Variants in EYS observed in about 807,000 individuals in gnomAD.
EYS encodes EGF-like photoreceptor maintenance factor.
A neutral mutation model predicts 282.1 loss-of-function variants in EYS; 250 were observed. That is an observed-to-expected ratio of 0.89 (90% confidence interval 0.80 to 0.98). EYS has a LOEUF of 0.98. Ranked by LOEUF, EYS falls within the 50% of genes least tolerant of loss-of-function variation. The probability of loss-of-function intolerance (pLI) is 0.00; values close to 1 mark genes in which losing one functional copy is unlikely to be tolerated. For missense variants in EYS, 4,016 were observed against 3,709.0 expected, an observed-to-expected ratio of 1.08 and a Z score of -2.15; for synonymous variants, 1,355 against 1,282.9, an observed-to-expected ratio of 1.06 and a Z score of -1.20.
chr6:65,478,903 A>T (rs1193655842), intron 5 of EYS, among the ~76,000 whole-genome samples: 1 of 152,204 alleles, frequency 6.6e-6, no homozygotes, highest in Non-Finnish European at 1.5e-5. Context: ...GTATAAAAAC[A>T]CACAGAAATC....
At chr6:65,003,208 C>G (rs1045047809) in intron 13 of EYS, among the ~76,000 whole-genome samples, 1 of 147,430 alleles carries the variant, frequency 6.8e-6, no homozygotes. Context: ...AGGAACATCC[C>G]TGAGAAAGAG....
rs1191786069 is a variant in EYS at position 65,369,460 on chromosome 6, A to C, written c.1299+14926T>G. 5.3e-5 allele frequency among the ~76,000 whole-genome samples: 8 copies of C among 150,862 alleles called. 1 individual carries two copies. The Admixed American group carries it at 5.5e-4, about 10-fold the overall frequency. On this transcript the variant is annotated intron_variant, in intron 8 of 42. Transcript: ENST00000503581. ...ACTGTCAGACGCAATGCCCACATGA[A>C]CCAGAAAAAGATTTCCCAATCTGGA... is the stretch of plus-strand genomic sequence containing the variant.
At chr6:63,887,508 G>A (rs899669347) in intron 35 of EYS, among the ~76,000 whole-genome samples, 1 of 152,060 alleles carries the variant, frequency 6.6e-6, no homozygotes, top group Non-Finnish European at 1.5e-5. Flanking sequence ...CACAGAGGGT[G>A]GGCAGAATCA....
intron 8 of EYS, among the ~76,000 whole-genome samples, chr6:65,360,513 A>C (rs1764662969): frequency 6.6e-6 from 1 of 152,096 alleles, no homozygotes; most frequent in Non-Finnish European, 1.5e-5. Context: ...GGGAAATCTG[A>C]TTTTAACAGA....
intron 26 of EYS, among the ~76,000 whole-genome samples, 158 bp from the exon 27 acceptor site, chr6:64,439,510 C>A (rs987130211): frequency 6.6e-6 from 1 of 151,854 alleles, no homozygotes; most frequent in African/African-American, 2.4e-5. Flanking sequence ...ATAGTCATGG[C>A]AGTTTTCTCA....
intron 29 of EYS, among the ~76,000 whole-genome samples, chr6:64,343,928 C>T (rs1771247765): frequency 1.3e-5 from 2 of 152,090 alleles, no homozygotes; most frequent in Admixed American, 6.6e-5. Flanking sequence ...CTATAAACAC[C>T]TCTACTCAAA....
chr6:64,635,096 G>C (rs1468049204), intron 22 of EYS, among the ~76,000 whole-genome samples: 1 of 152,028 alleles, frequency 6.6e-6, no homozygotes, highest in Non-Finnish European at 1.5e-5. Context: ...TTGTGAATGG[G>C]AGTTCACTCA....
intron 2 of EYS, among the ~76,000 whole-genome samples, chr6:65,542,361 C>T (rs1247084557): frequency 6.6e-6 from 1 of 151,950 alleles, no homozygotes; most frequent in Non-Finnish European, 1.5e-5. Flanking sequence ...TTTGAGTGAA[C>T]ATTGTATAAC....
chr6:64,772,672 C>A (rs2149987203), intron 22 of EYS, among the ~76,000 whole-genome samples: 1 of 151,942 alleles, frequency 6.6e-6, no homozygotes, highest in South Asian at 2.1e-4. Context: ...ACTACCCTTC[C>A]TAGTCTTTGG....
intron 12 of EYS, among the ~76,000 whole-genome samples, chr6:65,098,071 A>G (rs12209846): frequency 0.013 from 1,925 of 150,738 alleles, 21 homozygotes; most frequent in Non-Finnish European, 0.02. Flanking sequence ...TCCTACCAAT[A>G]TGTAGGGACA....
At chr6:64,901,249 G>T (rs575765676) in intron 18 of EYS, among the ~76,000 whole-genome samples, 1 of 147,040 alleles carries the variant, frequency 6.8e-6, no homozygotes, top group African/African-American at 2.6e-5. Flanking sequence ...AGGGGTTGGG[G>T]GGCAAGGGGA....
intron 12 of EYS, among the ~76,000 whole-genome samples, chr6:65,064,320 T>C (rs1457959836): frequency 1.4e-5 from 2 of 143,436 alleles, no homozygotes; most frequent in East Asian, 4.0e-4. Flanking sequence ...TTTTGTGGAT[T>C]GTCCTAAGTC....
chr6:65,067,509 G>T (rs529628674), intron 12 of EYS, among the ~76,000 whole-genome samples: 1 of 152,132 alleles, frequency 6.6e-6, no homozygotes, highest in South Asian at 2.1e-4. Flanking sequence ...ATAAAATATT[G>T]TCAAAGCCAG....
intron 41 of EYS, among the ~76,000 whole-genome samples, chr6:63,730,502 ACCC>A (rs1768755461): frequency 6.6e-6 from 1 of 152,162 alleles, no homozygotes; most frequent in South Asian, 2.1e-4. Flanking sequence ...GCACTGCATA[ACCC>A]CAAGGGGAAG....
intron 19 of EYS, among the ~76,000 whole-genome samples, chr6:64,885,766 T>A (rs978158393): frequency 6.6e-6 from 1 of 151,804 alleles, no homozygotes; most frequent in African/African-American, 2.4e-5. Context: ...ACCTTCATAT[T>A]TCTTTTTAAG....
intron 33 of EYS, among the ~76,000 whole-genome samples, chr6:64,053,949 A>G (rs1255096814): frequency 1.3e-5 from 2 of 152,176 alleles, no homozygotes; most frequent in Non-Finnish European, 2.9e-5. Context: ...TGGCCTTTAC[A>G]TACTTAACTA....
In EYS at chr6:64,820,363, C is replaced by G. The variant is rs116091181; in HGVS notation, c.3243+1282G>C. Among the ~76,000 whole-genome samples the G allele has an allele frequency of 2.0e-5, 3 of 152,054 alleles. No homozygotes were observed. In the South Asian group the frequency reaches 6.2e-4, roughly 32 times the overall value. On this transcript the variant is annotated intron_variant, in intron 21 of 42. Coordinates refer to ENST00000503581, the MANE Select transcript of EYS (RefSeq NM_001142800.2). ...ATATACATACATATGTCAAAAATGT[C>G]TATTTACTGATATTTTAATACAAAA...
chr6:64,038,104 A>C (rs1770207260), intron 33 of EYS, among the ~76,000 whole-genome samples: 1 of 152,244 alleles, frequency 6.6e-6, no homozygotes, highest in Non-Finnish European at 1.5e-5. Context: ...AAAATAAAGA[A>C]TAGAATGGTG....
chr6:64,745,372 C>A (rs767209176), intron 22 of EYS, among the ~76,000 whole-genome samples: 13 of 151,984 alleles, frequency 8.6e-5, no homozygotes, highest in Non-Finnish European at 1.9e-4. Flanking sequence ...ATAAAAAATG[C>A]AGTTTATTTT....
Sources: gnomAD v4.1 joint callset for allele counts (sites outside exome capture counted in the v4.1 genomes callset) on GRCh38, gnomAD v4.1.1 for gene constraint, MANE v1.5 for transcripts, NCBI Gene and HGNC (gene_info 2026-07-23, HGNC 2026-07-21) for gene names.